The following SLC25A13 variants were observed in gnomAD, a reference collection of about 807,000 sequenced individuals.
The protein encoded by SLC25A13 is electrogenic aspartate/glutamate antiporter SLC25A13, mitochondrial.
A neutral mutation model predicts 85.5 loss-of-function variants in SLC25A13; 70 were observed. The observed-to-expected ratio is 0.82, with a 90% CI of 0.68 to 1.00. The LOEUF (loss-of-function observed/expected upper bound fraction) is 1.00, where lower values mean the gene tolerates loss of function less well. SLC25A13 is among the 50% of genes least tolerant of loss of function. The pLI, the probability that SLC25A13 is intolerant of heterozygous loss-of-function variation, is 0.00. For missense variants in SLC25A13, 765 were observed against 819.8 expected (o/e 0.93, Z 0.82); for synonymous variants, 259 against 288.7 (o/e 0.90, Z 1.04).
intron 3 of SLC25A13, among the ~76,000 whole-genome samples, chr7:96,266,301 C>T (rs1469139770): frequency 6.6e-6 from 1 of 152,168 alleles, no homozygotes; most frequent in Non-Finnish European, 1.5e-5. Context: ...CATGCTCTTA[C>T]AAGAGGCCAA....
At chr7:96,243,929 C>T (rs1198235839) in intron 3 of SLC25A13, among the ~76,000 whole-genome samples, 1 of 152,062 alleles carries the variant, frequency 6.6e-6, no homozygotes, top group African/African-American at 2.4e-5. Flanking sequence ...GGGTTTTATG[C>T]AGGGGAGTGA....
At position 96,234,823 on chromosome 7, in the gene SLC25A13, C is replaced by T. The variant is rs1188104960; in HGVS notation, c.307G>A (p.Gly103Ser). Residue 103 changes from glycine (G) to serine (S), a missense_variant, in exon 4 of 18, where the codon GGC (glycine) becomes AGC (serine). Transcript: ENST00000265631. ...TTACCAAAAGTTACTTCTCCTTTGCCAGCTTTGTCAAACAGCTGAAAGGCT... is the reference window on the plus strand; with the variant it reads ...TTACCAAAAGTTACTTCTCCTTTGCTAGCTTTGTCAAACAGCTGAAAGGCT... ...MVAFQLFDKA[G>S]KGEVTFEDVK... The T allele has an allele frequency of 6.2e-7, 1 of 1,613,526 alleles. No homozygotes were observed. The highest frequency in any genetic ancestry group is 8.5e-7 in the Non-Finnish European group (1 of 1,179,802).
chr7:96,205,074 A>T (rs550299373), intron 5 of SLC25A13, among the ~76,000 whole-genome samples: 1 of 151,870 alleles, frequency 6.6e-6, no homozygotes, highest in Non-Finnish European at 1.5e-5. Context: ...TGTCCAGCTA[A>T]TTTTTTTGTA....
intron 2 of SLC25A13, among the ~76,000 whole-genome samples, chr7:96,283,086 A>T (rs1798750527): frequency 6.6e-6 from 1 of 152,180 alleles, no homozygotes. Flanking sequence ...TATGTTCTAA[A>T]CCCATTCTAA....
intron 14 of SLC25A13, among the ~76,000 whole-genome samples, chr7:96,144,843 G>T (rs940528674): frequency 1.3e-5 from 2 of 152,142 alleles, no homozygotes; most frequent in East Asian, 3.9e-4. Flanking sequence ...CAGCAAACAA[G>T]TTCCTACCAT....
intron 3 of SLC25A13, among the ~76,000 whole-genome samples, chr7:96,264,541 AAC>A (rs1797977251): frequency 6.6e-6 from 1 of 152,194 alleles, no homozygotes; most frequent in Non-Finnish European, 1.5e-5. Context: ...AGGACCTCTT[AAC>A]ACAGTTATAA....
chr7:96,142,304 T>C (rs1792598996), intron 14 of SLC25A13, among the ~76,000 whole-genome samples: 1 of 152,220 alleles, frequency 6.6e-6, no homozygotes, highest in Non-Finnish European at 1.5e-5. Context: ...TTGGTGTCTT[T>C]GTGCTCATGT....
chr7:96,285,575 G>A (rs1025780021), intron 2 of SLC25A13, among the ~76,000 whole-genome samples: 4 of 151,910 alleles, frequency 2.6e-5, no homozygotes, highest in Non-Finnish European at 4.4e-5. Flanking sequence ...CTCTCCTAAG[G>A]GCCTTCCCTG....
At chr7:96,168,578 G>T (rs1793869289) in intron 13 of SLC25A13, among the ~76,000 whole-genome samples, 2 of 152,182 alleles carry the variant, frequency 1.3e-5, no homozygotes, top group South Asian at 4.1e-4. Context: ...GCACCCAGAG[G>T]TATGTGCAGG....
intron 14 of SLC25A13, among the ~76,000 whole-genome samples, chr7:96,133,470 A>G (rs1490836846): frequency 6.6e-6 from 1 of 152,180 alleles, no homozygotes; most frequent in Non-Finnish European, 1.5e-5. Context: ...GGCACCCTGG[A>G]GGTAGTTCCA....
In SLC25A13 at chr7:96,320,555, G is replaced by C. The variant is rs79619595; in HGVS notation, c.15+1387C>G. 2.9e-3 allele frequency among the ~76,000 whole-genome samples: 437 copies of C among 152,314 alleles called. 1 individual carries two copies. Among genetic ancestry groups the C allele is most frequent in the African/African-American group, 9.7e-3 (405 of 41,568 alleles). ...AGGTCAAGGGCTATTGGGCTTGAAA[G>C]GGTTAAGGCAGCTTCCAAAATTGAA... On this transcript the variant is annotated intron_variant, in intron 1 of 17. Coordinates refer to ENST00000265631, the MANE Select transcript of SLC25A13 (RefSeq NM_014251.3).
chr7:96,166,669 T>C (rs1019687079), intron 13 of SLC25A13, among the ~76,000 whole-genome samples: 2 of 152,190 alleles, frequency 1.3e-5, no homozygotes, highest in Admixed American at 6.5e-5. Context: ...TTGCATTACA[T>C]ACATTATTTT....
intron 2 of SLC25A13, among the ~76,000 whole-genome samples, chr7:96,285,109 A>G (rs1414625089): frequency 1.3e-5 from 2 of 151,858 alleles, no homozygotes; most frequent in Admixed American, 6.6e-5. Flanking sequence ...CACTTTCTCT[A>G]TTCTTATTAC....
intron 3 of SLC25A13, among the ~76,000 whole-genome samples, chr7:96,237,550 A>T (rs998827381): frequency 2.0e-4 from 30 of 152,168 alleles, no homozygotes; most frequent in African/African-American, 7.2e-4. Context: ...TGGATTAAGA[A>T]ATGTCACATT....
intron 5 of SLC25A13, among the ~76,000 whole-genome samples, chr7:96,208,244 CA>C (rs1468524923): frequency 1.3e-5 from 2 of 152,130 alleles, no homozygotes; most frequent in Non-Finnish European, 2.9e-5. Flanking sequence ...TTGAGAAAAT[CA>C]CTTGATTTCC....
At chr7:96,276,183 T>C (rs367837416) in intron 3 of SLC25A13, among the ~76,000 whole-genome samples, 42 of 152,342 alleles carry the variant, frequency 2.8e-4, no homozygotes, top group African/African-American at 9.6e-4. Flanking sequence ...ACAGTTTACC[T>C]AGAGAAGGTT....
chr7:96,190,082 ATTTT>A (rs765043025), intron 7 of SLC25A13, among the ~76,000 whole-genome samples: 1 of 132,182 alleles, frequency 7.6e-6, no homozygotes. Context: ...GGGAATTCTG[ATTTT>A]TTTTTTTTTT....
At chr7:96,305,386 C>T (rs1306497626) in intron 1 of SLC25A13, among the ~76,000 whole-genome samples, 1 of 152,084 alleles carries the variant, frequency 6.6e-6, no homozygotes, top group Non-Finnish European at 1.5e-5. Context: ...TCATAAATGC[C>T]CATGGCTCAG....
chr7:96,226,457 A>G (rs762264549), intron 4 of SLC25A13, among the ~76,000 whole-genome samples: 5 of 152,172 alleles, frequency 3.3e-5, no homozygotes, highest in Non-Finnish European at 5.9e-5. Context: ...TGCGATGAAC[A>G]TGAGAGTTCT....
Sources: gnomAD v4.1 joint callset for allele counts (sites outside exome capture counted in the v4.1 genomes callset) on GRCh38, gnomAD v4.1.1 for gene constraint, MANE v1.5 for transcripts, NCBI Gene and HGNC (gene_info 2026-07-23, HGNC 2026-07-21) for gene names.